The following MYCBP2 variants were observed in gnomAD, a reference collection of about 807,000 sequenced individuals.
The protein encoded by MYCBP2 is E3 ubiquitin-protein ligase MYCBP2.
A neutral mutation model predicts 525.3 loss-of-function variants in MYCBP2; 120 were observed. That is an observed-to-expected ratio of 0.23 (90% confidence interval 0.20 to 0.27). The LOEUF is 0.27. Among genes scored for constraint, MYCBP2 ranks in the 10% least tolerant of loss-of-function variants. The pLI is 1.00. For synonymous variants in MYCBP2, 1,894 were observed against 1,955.8 expected (o/e 0.97, Z 0.83); for missense variants, 4,149 against 5,657.1 (o/e 0.73, Z 8.55).
intron 55 of MYCBP2, among the ~76,000 whole-genome samples, chr13:77,105,280 G>C (rs1156334320): frequency 6.6e-6 from 1 of 152,062 alleles, no homozygotes; most frequent in Non-Finnish European, 1.5e-5. Context: ...TAAGATGTTA[G>C]AGGTTTAAGG....
Position 77,061,152 on chromosome 13 carries a change from A to G in MYCBP2, c.13036+17T>C, listed in dbSNP as rs374509126. 3.1e-6 allele frequency: 5 copies of G among 1,594,430 alleles called. No homozygotes were observed. Among genetic ancestry groups the G allele is most frequent in the Non-Finnish European group, 4.3e-6 (5 of 1,173,374 alleles). On this transcript the variant is annotated intron_variant, in intron 76 of 82. Coordinates refer to ENST00000544440, the MANE Select transcript of MYCBP2 (RefSeq NM_015057.5). The stretch of plus-strand genomic sequence containing the variant: ...TTGTGGGTTTTAAAGGCATGGCTCA[A>G]TCTTTAAACCTTTTACCTGTGTGTT...
At chr13:77,255,885 G>A (rs1039517218) in intron 14 of MYCBP2, among the ~76,000 whole-genome samples, 4 of 151,886 alleles carry the variant, frequency 2.6e-5, no homozygotes, top group African/African-American at 7.2e-5. Flanking sequence ...AAAGTTCAAC[G>A]CTTAGTTCTA....
Position 77,058,496 on chromosome 13 carries a change from CT to C in MYCBP2, c.13141-91del, listed in dbSNP as rs2038614683. 3 of 1,165,804 alleles carry C rather than the reference CT, an allele frequency of 2.6e-6. No individual in the cohort carries two copies. In the African/African-American group the frequency reaches 4.7e-5, roughly 18 times the overall value. The allele number at this position is 1,165,804 out of a possible 1,614,324, so 72.2% of individuals were successfully genotyped here. On this transcript the variant is annotated intron_variant, in intron 77 of 82. Coordinates refer to ENST00000544440, the MANE Select transcript of MYCBP2 (RefSeq NM_015057.5). This position sits in a 1 kb window ranked among gnomAD's most constrained non-coding sequence, Gnocchi z 4.1. ...TTATTATATAAATTTCCAAAGATTA[CT>C]TTCCCACAGGAAGTATCTATGCAGG... is the stretch of plus-strand genomic sequence containing the variant.
intron 49 of MYCBP2, among the ~76,000 whole-genome samples, chr13:77,141,771 A>C (rs2054673249): frequency 1.2e-5 from 1 of 86,242 alleles, no homozygotes; most frequent in South Asian, 6.4e-4. Flanking sequence ...ACTCTGTCTC[A>C]AAAAAAAAAA....
Position 77,144,429 on chromosome 13 carries a change from G to T in MYCBP2, c.7303+16C>A, listed in dbSNP as rs758996915. 2.6e-6 allele frequency: 4 copies of T among 1,551,480 alleles called. No individual in the cohort carries two copies. Among genetic ancestry groups the T allele is most frequent in the Non-Finnish European group, 3.6e-6 (4 of 1,123,914 alleles). On this transcript the variant is annotated intron_variant, in intron 49 of 82. Transcript: ENST00000544440. ...TATTTGAAGTAAGTAGTAGCTCATG[G>T]CTTTAAAGAAAATACCGATTTCAAT...
At chr13:77,119,743 C>T (rs2050365613) in intron 55 of MYCBP2, among the ~76,000 whole-genome samples, 1 of 152,098 alleles carries the variant, frequency 6.6e-6, no homozygotes, top group South Asian at 2.1e-4. Flanking sequence ...GAAACAGGAT[C>T]CTGCTCTGTT....
At chr13:77,177,363 G>A (rs1041912445) in intron 35 of MYCBP2, among the ~76,000 whole-genome samples, 1 of 144,662 alleles carries the variant, frequency 6.9e-6, no homozygotes, top group Non-Finnish European at 1.5e-5. Flanking sequence ...TTGAGACAGG[G>A]TCGGGTCTCA....
intron 36 of MYCBP2, among the ~76,000 whole-genome samples, chr13:77,175,809 T>C (rs2059640261): frequency 6.6e-6 from 1 of 151,802 alleles, no homozygotes; most frequent in African/African-American, 2.4e-5. Flanking sequence ...AATACAAAAT[T>C]AGCTGGGCAT....
At position 77,059,504 on chromosome 13, in the gene MYCBP2, T is replaced by C. The variant is rs756847133; in HGVS notation, c.13140+19A>G. ...GGGGAACATGGACAATGGGATGGCC[T>C]GTGTCACTATATACTCACCTGGCAA... is the stretch of plus-strand genomic sequence containing the variant. On this transcript the variant is annotated intron_variant, in intron 77 of 82. Coordinates refer to ENST00000544440, the MANE Select transcript of MYCBP2 (RefSeq NM_015057.5). 1.3e-6 allele frequency: 2 copies of C among 1,564,014 alleles called. No individual in the cohort carries two copies. The highest frequency in any genetic ancestry group is 3.3e-5 in the Admixed American group (2 of 59,950).
At chr13:77,274,111 C>T (rs549537220) in intron 4 of MYCBP2, among the ~76,000 whole-genome samples, 1 of 152,208 alleles carries the variant, frequency 6.6e-6, no homozygotes, top group Admixed American at 6.5e-5. Flanking sequence ...ATAAAATTGG[C>T]TATATCATTA....
intron 8 of MYCBP2, 23 bp from the exon 9 acceptor site, chr13:77,264,025 A>C (rs1178712178): frequency 4.4e-6 from 7 of 1,594,616 alleles, no homozygotes; most frequent in East Asian, 2.2e-5. Flanking sequence ...AAAAGTATTT[A>C]TATTACAATA....
chr13:77,281,432 AATT>A (rs1227526353), intron 3 of MYCBP2, among the ~76,000 whole-genome samples: 3 of 152,040 alleles, frequency 2.0e-5, no homozygotes, highest in African/African-American at 2.4e-5. Flanking sequence ...TAAAAATAAT[AATT>A]ATAACAATAA....
intron 80 of MYCBP2, among the ~76,000 whole-genome samples, chr13:77,054,540 CAA>C (rs1157037567): frequency 6.6e-6 from 1 of 151,192 alleles, no homozygotes; most frequent in Non-Finnish European, 1.5e-5. Flanking sequence ...AAAAAGGACT[CAA>C]GAGAGATCTG....
chr13:77,154,015 T>C (rs910704776), intron 46 of MYCBP2, among the ~76,000 whole-genome samples: 1 of 152,234 alleles, frequency 6.6e-6, no homozygotes, highest in African/African-American at 2.4e-5. Context: ...CTCATTGAAA[T>C]ATTAGCTGCA....
chr13:77,079,499 A>G (rs2042919675), intron 65 of MYCBP2, among the ~76,000 whole-genome samples: 1 of 152,210 alleles, frequency 6.6e-6, no homozygotes, highest in South Asian at 2.1e-4. Flanking sequence ...ATAGATTAAC[A>G]TTAATTCCTT....
chr13:77,204,983 G>A (rs1180547026), intron 26 of MYCBP2, among the ~76,000 whole-genome samples: 2 of 151,518 alleles, frequency 1.3e-5, no homozygotes, highest in Non-Finnish European at 2.9e-5. Context: ...CATCAGCATG[G>A]CACATGTATA....
At chr13:77,241,663 T>C (rs947230218) in intron 17 of MYCBP2, among the ~76,000 whole-genome samples, 20 of 152,180 alleles carry the variant, frequency 1.3e-4, no homozygotes, top group Admixed American at 9.2e-4. Flanking sequence ...TAAAGGACAT[T>C]ATGCAAGCAA....
At chr13:77,256,607 A>C (rs2072238803) in intron 14 of MYCBP2, among the ~76,000 whole-genome samples, 1 of 152,120 alleles carries the variant, frequency 6.6e-6, no homozygotes, top group African/African-American at 2.4e-5. Flanking sequence ...ACATATGAAT[A>C]GCAAACAGGT....
chr13:77,149,460 T>C (rs1017162215), intron 47 of MYCBP2, among the ~76,000 whole-genome samples: 3 of 152,054 alleles, frequency 2.0e-5, no homozygotes, highest in African/African-American at 4.8e-5. Context: ...GATATTGGTG[T>C]TTCTTAGGAT....
Sources: allele counts gnomAD v4.1 joint callset (sites outside exome capture counted in the v4.1 genomes callset), GRCh38; gene constraint gnomAD v4.1.1; non-coding constraint Gnocchi (gnomAD v3.1); transcripts MANE v1.5; gene names NCBI Gene and HGNC (gene_info 2026-07-23, HGNC 2026-07-21).